Variants in CLCN7 observed in about 807,000 individuals in gnomAD.
The protein encoded by CLCN7 is H(+)/Cl(-) exchange transporter 7.
In CLCN7, 60 loss-of-function variants were observed where a neutral mutation model predicts 102.1. The observed-to-expected ratio is 0.59, with a 90% CI of 0.48 to 0.73. The LOEUF is 0.73. Ranked by LOEUF, CLCN7 falls within the 30% of genes least tolerant of loss-of-function variation. CLCN7 has a pLI of 0.00. For synonymous variants in CLCN7, 560 were observed against 490.5 expected, an observed-to-expected ratio of 1.14 and a Z score of -1.87; for missense variants, 962 against 1,125.7, an observed-to-expected ratio of 0.85 and a Z score of 2.08.
Position 1,455,185 on chromosome 16 carries a change from C to T in CLCN7, c.1047G>A (p.Met349Ile), listed in dbSNP as rs769710386. The T allele has an allele frequency of 5.0e-6, 8 of 1,613,970 alleles. No individual in the cohort carries two copies. Among genetic ancestry groups the T allele is most frequent in the Non-Finnish European group, 5.1e-6 (6 of 1,179,926 alleles). The stretch of plus-strand genomic sequence containing the variant: ...TGAGGCCTGGGCTGGACAGGTCCCA[C>T]ATGTTCCCGTGGTAAATGCTCAGAA... ...NFVLSIYHGNMWDLSSPGLIN... is the reference protein window; with the variant it reads ...NFVLSIYHGNIWDLSSPGLIN... Residue 349 changes from methionine (M) to isoleucine (I), a missense_variant, in exon 12 of 25, where the codon ATG becomes ATA. By Grantham distance (10) the Met-to-Ile change is conservative. This residue lies in a region of CLCN7 where 799 missense variants were observed against 988.0 expected (regional missense o/e 0.81). Coordinates refer to ENST00000382745, the MANE Select transcript of CLCN7 (RefSeq NM_001287.6).
At chr16:1,455,560 C>A in intron 11 of CLCN7, 171 bp downstream of exon 11, 1 of 781,368 alleles carries the variant, frequency 1.3e-6, no homozygotes, top group Middle Eastern at 2.6e-4. Flanking sequence ...CAAGGGCGAA[C>A]TGGGCAGCAA....
chr16:1,446,740 A>G (rs900667008), intron 24 of CLCN7, 23 bp from the exon 25 acceptor site: 1 of 1,556,750 alleles, frequency 6.4e-7, no homozygotes, highest in South Asian at 1.2e-5. Flanking sequence ...TCCAGGCCAC[A>G]GTGACACACG....
In CLCN7 at chr16:1,469,403, G is replaced by C. The variant is rs1275784911; in HGVS notation, c.142-4065C>G. Among the ~76,000 whole-genome samples the C allele has an allele frequency of 3.9e-5, 6 of 152,032 alleles. No homozygotes were observed. In the East Asian group the frequency reaches 1.2e-3, roughly 29 times the overall value. ...TATTCAGAATACATAAAAAAACTCA[G>C]GGTCAGGGGAGGTGGCTCACGTCTG... On this transcript the variant is annotated intron_variant, in intron 1 of 24. Transcript: ENST00000382745.
At chr16:1,463,479 A>G (rs1393568843) in intron 2 of CLCN7, among the ~76,000 whole-genome samples, 2 of 152,018 alleles carry the variant, frequency 1.3e-5, no homozygotes, top group African/African-American at 2.4e-5. Flanking sequence ...AAGAATAGTA[A>G]TAATTAATTT....
At chr16:1,466,046 G>A (rs1386821483) in intron 1 of CLCN7, among the ~76,000 whole-genome samples, 9 of 152,258 alleles carry the variant, frequency 5.9e-5, no homozygotes, top group Admixed American at 5.9e-4. Flanking sequence ...ATCCTTTGGA[G>A]ACGACTCCAA....
At chr16:1,449,768 A>G (rs1020894684) in intron 17 of CLCN7, 2 of 228,226 alleles carry the variant, frequency 8.8e-6, no homozygotes, top group African/African-American at 5.9e-5. Context: ...GGAACATTCT[A>G]GAAGTGGTAG....
Position 1,450,266 on chromosome 16 carries a change from C to T in CLCN7, c.1617+231G>A, listed in dbSNP as rs1462377821. ...TAAGGACACGAGCCTCCGCCCCCTA[C>T]CTTCGCCTGGTCCAGACTCCACACA... On this transcript the variant is annotated intron_variant, in intron 17 of 24. Transcript: ENST00000382745. 6.8e-6 allele frequency: 4 copies of T among 585,472 alleles called. No homozygotes were observed. The East Asian group carries it at 1.1e-4, about 16-fold the overall frequency. The allele number at this position is 585,472 out of a possible 1,614,324, so 36.3% of individuals were successfully genotyped here.
chr16:1,451,472 G>A, intron 16 of CLCN7, 151 bp downstream of exon 16: 1 of 660,470 alleles, frequency 1.5e-6, no homozygotes, highest in Non-Finnish European at 2.7e-6. Context: ...TCCAAGTGCT[G>A]GGATTACAGG....
At position 1,457,480 on chromosome 16, in the gene CLCN7, G is replaced by A. The variant is rs2038852907; in HGVS notation, c.739-143C>T. On this transcript the variant is annotated intron_variant, in intron 8 of 24. Coordinates refer to ENST00000382745, the MANE Select transcript of CLCN7 (RefSeq NM_001287.6). The surrounding 1 kb of genome is among the most constrained non-coding windows in gnomAD (Gnocchi z 5.4). ...CGATGCTCAGAGACACGCGTGACGC[G>A]GCCCTTCCTGGAGACCAGAAGGACC... 1.7e-6 allele frequency: 1 copy of A among 578,916 alleles called. No individual in the cohort carries two copies. The highest frequency in any genetic ancestry group is 3.2e-6 in the Non-Finnish European group (1 of 314,720). 35.9% of individuals were successfully genotyped at this position (578,916 alleles called of 1,614,324 possible). A position where few individuals can be genotyped will look rare whatever the true frequency, so the allele number is the denominator to read the frequency against.
chr16:1,457,170 G>T lies in CLCN7; in HGVS notation c.822+84C>A. 1 of 1,272,112 alleles carries T rather than the reference G, an allele frequency of 7.9e-7. No homozygotes were observed. Among genetic ancestry groups the T allele is most frequent in the Non-Finnish European group, 1.1e-6 (1 of 870,508 alleles). The allele number at this position is 1,272,112 out of a possible 1,614,324, so 78.8% of individuals were successfully genotyped here. A position where few individuals can be genotyped will look rare whatever the true frequency, so the allele number is the denominator to read the frequency against. ...GGGCTGGGGCTCTCGGCCTGGGGGT[G>T]CTGAGGGAAGCCCATCTCCCTGAGT... On this transcript the variant is annotated intron_variant, in intron 9 of 24. Coordinates refer to ENST00000382745, the MANE Select transcript of CLCN7 (RefSeq NM_001287.6). This position sits in a 1 kb window ranked among gnomAD's most constrained non-coding sequence, Gnocchi z 5.4.
At chr16:1,448,644 A>C (rs2038692777) in intron 20 of CLCN7, 37 bp downstream of exon 20, 2 of 1,610,754 alleles carry the variant, frequency 1.2e-6, no homozygotes, top group African/African-American at 1.3e-5. Context: ...AGGCCGCTGG[A>C]CACCCTCCCC....
Position 1,475,009 on chromosome 16 carries a change from C to G in CLCN7, c.-35G>C. ...CGGAGCGACACCGGCCGGGAAGCGC[C>G]GGCTGCCCCCGTGTTTGTTCTCGTG... On this transcript the variant is annotated 5_prime_UTR_variant, in exon 1 of 25. Transcript: ENST00000382745. The G allele has an allele frequency of 7.0e-7, 1 of 1,420,058 alleles. No individual in the cohort carries two copies. 88.0% of individuals were successfully genotyped at this position (1,420,058 alleles called of 1,614,324 possible). A position where few individuals can be genotyped will look rare whatever the true frequency, so the allele number is the denominator to read the frequency against.
In CLCN7 at chr16:1,457,311, T is replaced by A; in HGVS notation, c.765A>T (p.Ser255=). 1 of 1,613,994 alleles carries A rather than the reference T, an allele frequency of 6.2e-7. No individual in the cohort carries two copies. Among genetic ancestry groups the A allele is most frequent in the Non-Finnish European group, 8.5e-7 (1 of 1,180,026 alleles). The change falls in exon 9 of 25, where the codon TCA becomes TCT. Residue 255 remains serine (S), a synonymous_variant. Coordinates refer to ENST00000382745, the MANE Select transcript of CLCN7 (RefSeq NM_001287.6). This position sits in a 1 kb window ranked among gnomAD's most constrained non-coding sequence, Gnocchi z 5.4. ...GKEGPMIHSG[S]VIAAGISQGR... ...CCTGAGAGATCCCGGCGGCAATCACTGAACCTGAGTGGATCATCGGCCCTT... is the reference window on the plus strand; with the variant it reads ...CCTGAGAGATCCCGGCGGCAATCACAGAACCTGAGTGGATCATCGGCCCTT...
chr16:1,454,928 G>A (rs1277789734), intron 12 of CLCN7, among the ~76,000 whole-genome samples: 1 of 152,212 alleles, frequency 6.6e-6, no homozygotes, highest in Non-Finnish European at 1.5e-5. Context: ...CAGGTGCCCT[G>A]CTGGTCACAT....
At position 1,448,361 on chromosome 16, in the gene CLCN7, G is replaced by A. The variant is rs1451045230; in HGVS notation, c.2007C>T (p.Asp669=). 2.5e-6 allele frequency: 4 copies of A among 1,612,636 alleles called. No individual in the cohort carries two copies. In the East Asian group the frequency reaches 8.9e-5, roughly 36 times the overall value. ...TCTATGGGGTGCCCGGTACCTGGGT[G>A]TCATCGGCATGCTCCACCACGGGGA... ...NGFPVVEHAD[D]TQPARLQGLI... is the part of the protein sequence containing the mutation. Residue 669 remains aspartate (D), a synonymous_variant, in exon 21 of 25, where the codon GAC becomes GAT. Coordinates refer to ENST00000382745, the MANE Select transcript of CLCN7 (RefSeq NM_001287.6).
At position 1,457,150 on chromosome 16, in the gene CLCN7, G is replaced by A; in HGVS notation, c.822+104C>T. On this transcript the variant is annotated intron_variant, in intron 9 of 24. Coordinates refer to ENST00000382745, the MANE Select transcript of CLCN7 (RefSeq NM_001287.6). This position sits in a 1 kb window ranked among gnomAD's most constrained non-coding sequence, Gnocchi z 5.4. ...CGCCAGGCTGTCCTCAGATGGGGCTGGGGCTCTCGGCCTGGGGGTGCTGAG... is the reference window on the plus strand; with the variant it reads ...CGCCAGGCTGTCCTCAGATGGGGCTAGGGCTCTCGGCCTGGGGGTGCTGAG... 1 of 1,089,310 alleles carries A rather than the reference G, an allele frequency of 9.2e-7. No individual in the cohort carries two copies. The allele number at this position is 1,089,310 out of a possible 1,614,324, so 67.5% of individuals were successfully genotyped here. A position where few individuals can be genotyped will look rare whatever the true frequency, so the allele number is the denominator to read the frequency against.
At chr16:1,472,114 C>A (rs1019045449) in intron 1 of CLCN7, among the ~76,000 whole-genome samples, 1 of 152,262 alleles carries the variant, frequency 6.6e-6, no homozygotes, top group African/African-American at 2.4e-5. Context: ...TATGCGCCTG[C>A]GTCCCAGGCA....
intron 7 of CLCN7, among the ~76,000 whole-genome samples, chr16:1,458,659 G>A (rs1173836379): frequency 6.6e-6 from 1 of 152,230 alleles, no homozygotes. Flanking sequence ...GGCACAGACA[G>A]AAGCAACCAC....
intron 1 of CLCN7, chr16:1,467,939 A>C (rs2039027305): frequency 6.6e-6 from 1 of 152,046 alleles, no homozygotes; most frequent in Non-Finnish European, 1.5e-5. Context: ...CAAAATCAGC[A>C]AGGCATGGTG....
Sources: gnomAD v4.1 joint callset for allele counts (sites outside exome capture counted in the v4.1 genomes callset) on GRCh38, gnomAD v4.1.1 for gene constraint, gnomAD v4.1.1 regional missense constraint, Gnocchi (gnomAD v3.1) non-coding constraint, MANE v1.5 for transcripts, NCBI Gene and HGNC (gene_info 2026-07-23, HGNC 2026-07-21) for gene names.